Variants in XYLB observed in about 807,000 individuals in gnomAD.
The protein encoded by XYLB is xylulokinase.
A neutral mutation model predicts 78.7 loss-of-function variants in XYLB; 62 were observed. The observed-to-expected ratio is 0.79, with a 90% confidence interval of 0.64 to 0.97. The LOEUF (loss-of-function observed/expected upper bound fraction) is 0.97. Among genes scored for constraint, XYLB ranks in the 50% least tolerant of loss-of-function variants. The pLI, the probability that XYLB is intolerant of heterozygous loss-of-function variation, is 0.00. For synonymous variants in XYLB, 245 were observed against 247.4 expected (o/e 0.99, Z 0.09); for missense variants, 687 against 676.8 (o/e 1.02, Z -0.17).
chr3:38,415,154 T>C (rs1286785397), downstream of XYLB, among the ~76,000 whole-genome samples: 4 of 152,152 alleles, frequency 2.6e-5, no homozygotes, highest in African/African-American at 9.7e-5. Context: ...AAAGACCTGG[T>C]TGGCCTCAAA....
At chr3:38,357,358 C>T (rs183440430) in intron 2 of XYLB, among the ~76,000 whole-genome samples, 1 of 151,238 alleles carries the variant, frequency 6.6e-6, no homozygotes, top group African/African-American at 2.4e-5. Flanking sequence ...CCATTCCCAC[C>T]AGTGGTAGAT....
the XYLB span, among the ~76,000 whole-genome samples, chr3:38,439,166 C>T: frequency 6.6e-6 from 1 of 152,176 alleles, no homozygotes; most frequent in Non-Finnish European, 1.5e-5. Flanking sequence ...ACCATTCTAG[C>T]TACTTCCTGC....
chr3:38,403,795 A>G (rs771876783), intron 18 of XYLB, among the ~76,000 whole-genome samples: 17 of 152,008 alleles, frequency 1.1e-4, no homozygotes, highest in East Asian at 1.9e-4. Context: ...GGAGTGGCCA[A>G]TCCTCTGAGC....
intron 4 of XYLB, among the ~76,000 whole-genome samples, chr3:38,364,580 C>G (rs865938281): frequency 6.7e-6 from 1 of 149,012 alleles, no homozygotes; most frequent in African/African-American, 2.5e-5. Context: ...CCGGGACTTG[C>G]CTGGCGCCCC....
chr3:38,404,286 A>G (rs1708227999), intron 18 of XYLB, among the ~76,000 whole-genome samples: 1 of 152,202 alleles, frequency 6.6e-6, no homozygotes, highest in Admixed American at 6.5e-5. Flanking sequence ...GTACTTCACA[A>G]ACACATAATT....
chr3:38,378,849 T>C (rs953110561), intron 14 of XYLB, among the ~76,000 whole-genome samples: 8 of 149,170 alleles, frequency 5.4e-5, no homozygotes, highest in African/African-American at 2.0e-4. Context: ...TTCCAGGCTC[T>C]GTTGTCTAAT....
At chr3:38,422,928 GT>G (rs1709024476), downstream of XYLB, among the ~76,000 whole-genome samples, 1 of 152,126 alleles carries the variant, frequency 6.6e-6, no homozygotes, top group Non-Finnish European at 1.5e-5. Context: ...CTTTAAAATG[GT>G]TAACAAGTAA....
At chr3:38,355,743 G>A (rs1705611273) in intron 2 of XYLB, 1 of 703,400 alleles carries the variant, frequency 1.4e-6, no homozygotes, top group African/African-American at 1.7e-5. Flanking sequence ...GGTGTCCAGA[G>A]CAACCTTGGA....
the XYLB span, among the ~76,000 whole-genome samples, chr3:38,430,023 C>T: frequency 1.3e-3 from 205 of 152,192 alleles, 1 homozygote; most frequent in Admixed American, 2.2e-3. Context: ...CATATGTGTT[C>T]GTGTGTCTTT....
chr3:38,409,410 A>G (rs1708476649), intron 18 of XYLB, among the ~76,000 whole-genome samples: 2 of 152,244 alleles, frequency 1.3e-5, no homozygotes, highest in Non-Finnish European at 2.9e-5. Flanking sequence ...GCTATCTATG[A>G]CAAACCCACA....
In XYLB at chr3:38,414,704, A is replaced by G. The variant is rs899284028; in HGVS notation, c.*1691A>G. 5 of 152,214 alleles carry G rather than the reference A, an allele frequency of 3.3e-5. No homozygotes were observed. The highest frequency in any genetic ancestry group is 1.2e-4 in the African/African-American group (5 of 41,464). 9.4% of individuals were successfully genotyped at this position (152,214 alleles called of 1,614,324 possible). On this transcript the variant is annotated 3_prime_UTR_variant, in exon 19 of 19. Coordinates refer to ENST00000207870, the MANE Select transcript of XYLB (RefSeq NM_005108.4). ...AAATCTTCACAGATATGAATACTAA[A>G]TTATATCTTAATGAAAATAGATATG...
intron 2 of XYLB, among the ~76,000 whole-genome samples, chr3:38,353,466 C>G (rs1251723418): frequency 6.6e-6 from 1 of 151,944 alleles, no homozygotes; most frequent in Non-Finnish European, 1.5e-5. Flanking sequence ...CCTACCATGA[C>G]CAGCTAATTT....
chr3:38,358,597 G>A (rs1270752249), intron 2 of XYLB, among the ~76,000 whole-genome samples: 1 of 151,898 alleles, frequency 6.6e-6, no homozygotes, highest in African/African-American at 2.4e-5. Flanking sequence ...GCCTGCCTTG[G>A]CCTCCCAAAG....
chr3:38,372,197 C>T (rs528296487), intron 9 of XYLB, among the ~76,000 whole-genome samples: 11 of 152,318 alleles, frequency 7.2e-5, no homozygotes, highest in African/African-American at 1.9e-4. Context: ...TTCCTTAGAA[C>T]ATTGCTCTCT....
At chr3:38,362,648 C>T (rs1213044487) in intron 3 of XYLB, among the ~76,000 whole-genome samples, 4 of 151,784 alleles carry the variant, frequency 2.6e-5, no homozygotes, top group East Asian at 1.9e-4. Context: ...GGAACCAGAG[C>T]GAGACCCTGT....
chr3:38,348,669 G>T, intron 2 of XYLB, 37 bp downstream of exon 2: 1 of 1,604,564 alleles, frequency 6.2e-7, no homozygotes, highest in Non-Finnish European at 8.5e-7. Context: ...TGATGGGGGT[G>T]TTGGTTTTGG....
the XYLB span, among the ~76,000 whole-genome samples, chr3:38,429,795 G>C: frequency 6.6e-6 from 1 of 152,288 alleles, no homozygotes; most frequent in African/African-American, 2.4e-5. Context: ...CTATGAGTGA[G>C]AACATGTGGT....
chr3:38,450,223 A>C, the XYLB span, among the ~76,000 whole-genome samples: 1 of 152,258 alleles, frequency 6.6e-6, no homozygotes, highest in East Asian at 1.9e-4. Context: ...GGGTGAGGCC[A>C]CTTATATTTT....
chr3:38,379,355 C>CT lies in XYLB; in HGVS notation c.1291+14dup. The CT allele has an allele frequency of 6.2e-7, 1 of 1,613,818 alleles. No individual in the cohort carries two copies. The highest frequency in any genetic ancestry group is 8.5e-7 in the Non-Finnish European group (1 of 1,179,798). ...GGCTATCGAGTCAGTAAGTGAGCCA[C>CT]TGGCAGCATGTGTCCCGGGGTGGGG... is the stretch of plus-strand genomic sequence containing the variant. On this transcript the variant is annotated intron_variant, in intron 15 of 18. Transcript: ENST00000207870.
Sources: allele counts gnomAD v4.1 joint callset (sites outside exome capture counted in the v4.1 genomes callset), GRCh38; gene constraint gnomAD v4.1.1; transcripts MANE v1.5; gene names NCBI Gene and HGNC (gene_info 2026-07-23, HGNC 2026-07-21).